Variants in XKR7 observed in about 807,000 individuals in gnomAD.
The protein encoded by XKR7 is XK-related protein 7.
In XKR7, 11 loss-of-function variants were observed where a neutral mutation model predicts 42.2. The ratio of observed to expected loss-of-function variants is 0.26; its 90% confidence interval spans 0.16 to 0.43. The LOEUF is 0.43. XKR7 is among the 20% of genes least tolerant of loss of function. The pLI is 1.00. For missense variants in XKR7, 710 were observed against 802.2 expected, an observed-to-expected ratio of 0.89 and a Z score of 1.39; for synonymous variants, 346 against 366.4, an observed-to-expected ratio of 0.94 and a Z score of 0.64.
chr20:31,991,048 G>A (rs915939149), intron 1 of XKR7, among the ~76,000 whole-genome samples: 1 of 152,198 alleles, frequency 6.6e-6, no homozygotes, highest in Non-Finnish European at 1.5e-5. Flanking sequence ...CCTGGGCTGT[G>A]TGAGCCCTTT....
chr20:31,989,533 A>C (rs2064559852), intron 1 of XKR7, among the ~76,000 whole-genome samples: 2 of 145,608 alleles, frequency 1.4e-5, no homozygotes, highest in African/African-American at 5.2e-5. Flanking sequence ...GCGGGCAGCC[A>C]CACAGAAGGC....
intron 1 of XKR7, among the ~76,000 whole-genome samples, chr20:31,989,229 G>C (rs1010284178): frequency 1.3e-5 from 2 of 151,948 alleles, no homozygotes; most frequent in Admixed American, 1.3e-4. Context: ...GGCAGAGCAA[G>C]TGCAGACGTC....
At chr20:31,977,119 G>C (rs2064489015) in intron 1 of XKR7, among the ~76,000 whole-genome samples, 1 of 152,236 alleles carries the variant, frequency 6.6e-6, no homozygotes. Flanking sequence ...CACGGCCTAA[G>C]GCTAAGGAAA....
Position 31,968,689 on chromosome 20 carries a change from CGCT to C in XKR7, c.520_522del (p.Cys174del), listed in dbSNP as rs2064449106. On this transcript the variant is annotated inframe_deletion, in exon 1 of 3. Transcript: ENST00000562532. This position sits in a 1 kb window ranked among gnomAD's most constrained non-coding sequence, Gnocchi z 4.5. ...CTCCTCGGCCAGCGCCTACCGCCGC[CGCT>C]GCTGCCGCCTCTGCATCTGGCTGCT... 1 of 1,565,558 alleles carries C rather than the reference CGCT, an allele frequency of 6.4e-7. No individual in the cohort carries two copies. The highest frequency in any genetic ancestry group is 8.6e-7 in the Non-Finnish European group (1 of 1,163,560).
rs953864163 is a variant in XKR7, at chr20:31,995,740, G to C, written c.787+470G>C. ...CCTACCCCTTCACTGGGGGGCCCCG[G>C]GGGGCCCTCCCAGGCCTAGTCCTGG... On this transcript the variant is annotated intron_variant, in intron 2 of 2. Coordinates refer to ENST00000562532, the MANE Select transcript of XKR7 (RefSeq NM_001011718.2). The surrounding 1 kb of genome is among the most constrained non-coding windows in gnomAD (Gnocchi z 4.1). 6.6e-6 allele frequency among the ~76,000 whole-genome samples: 1 copy of C among 151,786 alleles called. No individual in the cohort carries two copies. Among genetic ancestry groups the C allele is most frequent in the African/African-American group, 2.4e-5 (1 of 41,288 alleles).
Position 31,968,495 on chromosome 20 carries a change from T to A in XKR7, c.320T>A (p.Leu107Gln). ...CTGCCCTCGCTGGTCGTGCAGTTAC[T>A]GAGCTTCCGCTGGTTCGTCTACGAC... The part of the protein sequence containing the change: ...VLLPSLVVQL[L>Q]SFRWFVYDYS... Residue 107 changes from leucine (L) to glutamine (Q), a missense_variant, in exon 1 of 3, where the codon CTG becomes CAG. Physicochemically the swap from Leu to Gln is moderately radical, Grantham distance 113. Coordinates refer to ENST00000562532, the MANE Select transcript of XKR7 (RefSeq NM_001011718.2). This position sits in a 1 kb window ranked among gnomAD's most constrained non-coding sequence, Gnocchi z 4.5. 5.6e-6 allele frequency: 9 copies of A among 1,613,572 alleles called. No homozygotes were observed. Among genetic ancestry groups the A allele is most frequent in the Non-Finnish European group, 7.6e-6 (9 of 1,179,736 alleles).
chr20:31,992,010 G>A (rs989570353), intron 1 of XKR7, among the ~76,000 whole-genome samples: 2 of 152,254 alleles, frequency 1.3e-5, no homozygotes, highest in South Asian at 4.2e-4. Flanking sequence ...CCAGCTACTC[G>A]GGAGGCTGAG....
chr20:31,972,385 C>A (rs1395227420), intron 1 of XKR7, among the ~76,000 whole-genome samples: 1 of 152,230 alleles, frequency 6.6e-6, no homozygotes, highest in African/African-American at 2.4e-5. Flanking sequence ...AGAACAATAT[C>A]TTTGTGCACA....
intron 1 of XKR7, among the ~76,000 whole-genome samples, chr20:31,983,594 G>A (rs1386752366): frequency 1.3e-5 from 2 of 152,144 alleles, no homozygotes; most frequent in South Asian, 2.1e-4. Context: ...GAGGGTCCCC[G>A]GGAGGGACAA....
chr20:31,992,916 C>T (rs1051634950), intron 1 of XKR7, among the ~76,000 whole-genome samples: 1 of 152,130 alleles, frequency 6.6e-6, no homozygotes, highest in Non-Finnish European at 1.5e-5. Context: ...GCCCCACATC[C>T]AGGGAGAACT....
intron 1 of XKR7, among the ~76,000 whole-genome samples, chr20:31,989,106 A>G (rs895614670): frequency 2.0e-5 from 3 of 152,170 alleles, no homozygotes; most frequent in African/African-American, 7.2e-5. Context: ...AAAATAAGAC[A>G]GGGGGTGTGG....
intron 1 of XKR7, among the ~76,000 whole-genome samples, chr20:31,987,689 A>G (rs547870510): frequency 7.3e-4 from 111 of 152,346 alleles, no homozygotes; most frequent in Non-Finnish European, 1.2e-3. Context: ...GAGACAGATC[A>G]CCAAGTGGAC....
chr20:31,981,064 CAAA>C (rs1304530509), intron 1 of XKR7, among the ~76,000 whole-genome samples: 12 of 94,460 alleles, frequency 1.3e-4, no homozygotes, highest in Admixed American at 1.2e-4. Flanking sequence ...GACCCTGTCT[CAAA>C]AAAAAAAAAA....
chr20:31,987,683 C>T (rs1200052207), intron 1 of XKR7, among the ~76,000 whole-genome samples: 2 of 152,214 alleles, frequency 1.3e-5, no homozygotes, highest in African/African-American at 4.8e-5. Context: ...CACAGAGAGA[C>T]AGATCACCAA....
Position 31,968,683 on chromosome 20 carries a change from C to G in XKR7, c.508C>G (p.Arg170Gly), listed in dbSNP as rs779574211. The part of the protein sequence containing the change: ...QPAPSSASAY[R>G]RRCCRLCIWL... ...TGCGCCCTCCTCGGCCAGCGCCTAC[C>G]GCCGCCGCTGCTGCCGCCTCTGCAT... The change falls in exon 1 of 3, where the codon CGC becomes GGC. Residue 170 changes from arginine (R) to glycine (G), a missense_variant. By Grantham distance (125) the Arg-to-Gly change is moderately radical. Transcript: ENST00000562532. The surrounding 1 kb of genome is among the most constrained non-coding windows in gnomAD (Gnocchi z 4.5). 6 of 1,565,058 alleles carry G rather than the reference C, an allele frequency of 3.8e-6. No homozygotes were observed. Among genetic ancestry groups the G allele is most frequent in the Non-Finnish European group, 4.3e-6 (5 of 1,163,308 alleles).
Position 31,968,823 on chromosome 20 carries a change from C to A in XKR7, c.584+64C>A, listed in dbSNP as rs1176065975. On this transcript the variant is annotated intron_variant, in intron 1 of 2. Coordinates refer to ENST00000562532, the MANE Select transcript of XKR7 (RefSeq NM_001011718.2). This position sits in a 1 kb window ranked among gnomAD's most constrained non-coding sequence, Gnocchi z 4.5. ...GTGGGGGTGGCGAAGGGCTACCTGA[C>A]GTCCCAGCCCTGATCTGACCTTTCC... 13 of 1,442,068 alleles carry A rather than the reference C, an allele frequency of 9.0e-6. No individual in the cohort carries two copies. Among genetic ancestry groups the A allele is most frequent in the Middle Eastern group, 2.5e-4 (1 of 3,934 alleles). The allele number at this position is 1,442,068 out of a possible 1,614,324, so 89.3% of individuals were successfully genotyped here.
chr20:31,989,524 C>T (rs926925310), intron 1 of XKR7, among the ~76,000 whole-genome samples: 15 of 78,840 alleles, frequency 1.9e-4, no homozygotes, highest in South Asian at 2.8e-4. Context: ...GGAGTGGATG[C>T]GGGCAGCCAC....
At chr20:31,970,571 A>G (rs1375938517) in intron 1 of XKR7, 4 of 152,164 alleles carry the variant, frequency 2.6e-5, no homozygotes, top group African/African-American at 9.7e-5. Context: ...TAACAATCTA[A>G]TAGCTCTTAG....
rs535848215 is a variant in XKR7, at chr20:31,983,381, A to G, written c.585-11687A>G. 3.3e-5 allele frequency among the ~76,000 whole-genome samples: 5 copies of G among 152,322 alleles called. No individual in the cohort carries two copies. The East Asian group carries it at 7.7e-4, about 23-fold the overall frequency. ...CAGAAAGTGACCAGAGAGGCTGCAG[A>G]AGTGCTTTGCGGGGTTACAGGCAGT... On this transcript the variant is annotated intron_variant, in intron 1 of 2. Coordinates refer to ENST00000562532, the MANE Select transcript of XKR7 (RefSeq NM_001011718.2).
Sources: gnomAD v4.1 joint callset for allele counts (sites outside exome capture counted in the v4.1 genomes callset) on GRCh38, gnomAD v4.1.1 for gene constraint, Gnocchi (gnomAD v3.1) non-coding constraint, MANE v1.5 for transcripts, NCBI Gene and HGNC (gene_info 2026-07-23, HGNC 2026-07-21) for gene names.